Variants in SYTL1 observed in about 807,000 individuals in gnomAD.
The protein encoded by SYTL1 is synaptotagmin like 1.
In SYTL1, 53 loss-of-function variants were observed where a neutral mutation model predicts 74.6. The ratio of observed to expected loss-of-function variants is 0.71; its 90% CI spans 0.57 to 0.89. SYTL1 has a LOEUF of 0.89. Among genes scored for constraint, SYTL1 ranks in the 40% least tolerant of loss-of-function variants. The pLI is 0.00. For missense variants in SYTL1, 728 were observed against 768.7 expected (o/e 0.95, Z 0.63); for synonymous variants, 329 against 324.9 (o/e 1.01, Z -0.14).
Position 27,349,097 on chromosome 1 carries a change from G to A in SYTL1, c.477G>A (p.Ser159=). 1.2e-6 allele frequency: 2 copies of A among 1,613,778 alleles called. No homozygotes were observed. The highest frequency in any genetic ancestry group is 1.7e-6 in the Non-Finnish European group (2 of 1,179,770). Residue 159 remains serine, a synonymous_variant, in exon 6 of 15, where the codon TCG becomes TCA. Coordinates refer to ENST00000616558, the MANE Select transcript of SYTL1 (RefSeq NM_001193308.2). The part of the protein sequence containing the change: ...LRETEGPDFP[S]PSVPLKASDP... ...TCCTTCAGGGACCTGATTTCCCATC[G>A]CCTTCTGTCCCCCTAAAGGCTTCAG...
Position 27,351,147 on chromosome 1 carries a change from C to G in SYTL1, c.1165-111C>G. 7.2e-7 allele frequency: 1 copy of G among 1,394,118 alleles called. No homozygotes were observed. The highest frequency in any genetic ancestry group is 9.7e-7 in the Non-Finnish European group (1 of 1,027,580). 86.4% of individuals were successfully genotyped at this position (1,394,118 alleles called of 1,614,324 possible). The stretch of plus-strand genomic sequence containing the variant: ...GCGCTAGGACCCCTAGGTTCTGCCC[C>G]TGCAGGCCCCGCCGTCTCTTCTAGC... On this transcript the variant is annotated intron_variant, in intron 11 of 14. Transcript: ENST00000616558. This position sits in a 1 kb window ranked among gnomAD's most constrained non-coding sequence, Gnocchi z 5.0.
Position 27,349,999 on chromosome 1 carries a change from G to C in SYTL1, c.775G>C (p.Gly259Arg). Reference protein sequence around the residue: ...TLSGSQMSLSGDAEAVQVRGS... With the variant: ...TLSGSQMSLSRDAEAVQVRGS... Reference sequence around the variant, plus strand: ...GAGCGGCAGCCAGATGAGCCTGTCAGGCGACGCGGAGGCGGTGCAGGTCCG... The same window carrying C: ...GAGCGGCAGCCAGATGAGCCTGTCACGCGACGCGGAGGCGGTGCAGGTCCG... Residue 259 changes from glycine (G) to arginine (R), a missense_variant, in exon 9 of 15, where the codon GGC (glycine) becomes CGC (arginine). Coordinates refer to ENST00000616558, the MANE Select transcript of SYTL1 (RefSeq NM_001193308.2). The C allele has an allele frequency of 6.4e-7, 1 of 1,568,186 alleles. No individual in the cohort carries two copies. Among genetic ancestry groups the C allele is most frequent in the Non-Finnish European group, 8.6e-7 (1 of 1,166,238 alleles).
intron 1 of SYTL1, among the ~76,000 whole-genome samples, chr1:27,344,633 T>C (rs1361356023): frequency 6.7e-6 from 1 of 149,770 alleles, no homozygotes; most frequent in Non-Finnish European, 1.5e-5. Flanking sequence ...TGGCAGATCA[T>C]GAGGTCAGGA....
rs2015256140 is a variant in SYTL1, at chr1:27,351,211, GC to G, written c.1165-43del. 6.5e-7 allele frequency: 1 copy of G among 1,543,494 alleles called. No individual in the cohort carries two copies. The highest frequency in any genetic ancestry group is 2.0e-5 in the Admixed American group (1 of 50,904). Reference sequence around the variant, plus strand: ...GGTCTGCAGACCCCACCCTCCTGAGGCCCCTTTCCATTAGCCCCTGCTCCAC... The same window carrying G: ...GGTCTGCAGACCCCACCCTCCTGAGGCCCTTTCCATTAGCCCCTGCTCCAC... On this transcript the variant is annotated intron_variant, in intron 11 of 14. Coordinates refer to ENST00000616558, the MANE Select transcript of SYTL1 (RefSeq NM_001193308.2). The surrounding 1 kb of genome is among the most constrained non-coding windows in gnomAD (Gnocchi z 5.0).
chr1:27,349,974 G>C lies in SYTL1; in HGVS notation c.750G>C (p.Leu250=), dbSNP rs1398486028. The change falls in exon 9 of 15, where the codon CTG becomes CTC. Residue 250 remains leucine (L), a splice_region_variant and synonymous_variant. Transcript: ENST00000616558. ...CTCCCACCCACTCCCGTCCGCAGCT[G>C]AGCGGCAGCCAGATGAGCCTGTCAG... is the stretch of plus-strand genomic sequence containing the variant. ...SSVSSLNSST[L]SGSQMSLSGD... is the part of the protein sequence containing the mutation. The C allele has an allele frequency of 4.4e-6, 7 of 1,573,068 alleles. No individual in the cohort carries two copies. The highest frequency in any genetic ancestry group is 6.0e-6 in the Non-Finnish European group (7 of 1,168,556).
In SYTL1 at chr1:27,348,481, C is replaced by T. The variant is rs147901719; in HGVS notation, c.459+469C>T. Among the ~76,000 whole-genome samples, 131 of 152,026 alleles carry T rather than the reference C, an allele frequency of 8.6e-4. 3 individuals are homozygous for T. In the East Asian group the frequency reaches 0.017, roughly 20 times the overall value. On this transcript the variant is annotated intron_variant, in intron 5 of 14. Coordinates refer to ENST00000616558, the MANE Select transcript of SYTL1 (RefSeq NM_001193308.2). The surrounding 1 kb of genome is among the most constrained non-coding windows in gnomAD (Gnocchi z 4.1). The stretch of plus-strand genomic sequence containing the variant: ...CTATAATCCCAGCACTTTGGGAAGC[C>T]GAGATCACCTGAGGTCAGGAGCTCA...
At chr1:27,349,306 C>CTGCA in intron 6 of SYTL1, 92 bp from the exon 7 acceptor site, 1 of 1,455,360 alleles carries the variant, frequency 6.9e-7, no homozygotes, top group Non-Finnish European at 9.1e-7. Context: ...GGGCCTGAAT[C>CTGCA]TGCAGCTCGC....
chr1:27,351,381 C>A lies in SYTL1; in HGVS notation c.1243+45C>A. ...GCCAAGCTGGACACGCCCTGAAAAG[C>A]GGGAGACTCCAGTCCCCGGGTTTGG... On this transcript the variant is annotated intron_variant, in intron 12 of 14. Coordinates refer to ENST00000616558, the MANE Select transcript of SYTL1 (RefSeq NM_001193308.2). The surrounding 1 kb of genome is among the most constrained non-coding windows in gnomAD (Gnocchi z 5.0). 6.6e-7 allele frequency: 1 copy of A among 1,511,998 alleles called. No homozygotes were observed. Among genetic ancestry groups the A allele is most frequent in the Non-Finnish European group, 8.9e-7 (1 of 1,125,654 alleles). 93.7% of individuals were successfully genotyped at this position (1,511,998 alleles called of 1,614,324 possible). A position where few individuals can be genotyped will look rare whatever the true frequency, so the allele number is the denominator to read the frequency against.
Position 27,345,571 on chromosome 1 carries a change from TG to T in SYTL1, c.191+48del. 1 of 1,375,572 alleles carries T rather than the reference TG, an allele frequency of 7.3e-7. No homozygotes were observed. Among genetic ancestry groups the T allele is most frequent in the Non-Finnish European group, 1.0e-6 (1 of 1,004,842 alleles). 85.2% of individuals were successfully genotyped at this position (1,375,572 alleles called of 1,614,324 possible). A position where few individuals can be genotyped will look rare whatever the true frequency, so the allele number is the denominator to read the frequency against. On this transcript the variant is annotated intron_variant, in intron 2 of 14. Transcript: ENST00000616558. The surrounding 1 kb of genome is among the most constrained non-coding windows in gnomAD (Gnocchi z 6.0). ...GCCGGGGAGCACCAAGAGGCTTGAG[TG>T]GCCCCCATCCTGCTCCCTACCGACA...
rs1161784167 is a variant in SYTL1, at chr1:27,345,737, C to T, written c.191+212C>T. Among the ~76,000 whole-genome samples, 2 of 152,044 alleles carry T rather than the reference C, an allele frequency of 1.3e-5. No individual in the cohort carries two copies. Among genetic ancestry groups the T allele is most frequent in the Non-Finnish European group, 2.9e-5 (2 of 68,008 alleles). On this transcript the variant is annotated intron_variant, in intron 2 of 14. Coordinates refer to ENST00000616558, the MANE Select transcript of SYTL1 (RefSeq NM_001193308.2). The surrounding 1 kb of genome is among the most constrained non-coding windows in gnomAD (Gnocchi z 6.0). The stretch of plus-strand genomic sequence containing the variant: ...AGCCTCCCTGCCTCCAGGCTTGCCT[C>T]TTGGGCCCACCTCCTGCAGCTGGTG...
chr1:27,348,097 C>T lies in SYTL1; in HGVS notation c.459+85C>T. The T allele has an allele frequency of 7.4e-7, 1 of 1,354,176 alleles. No homozygotes were observed. Among genetic ancestry groups the T allele is most frequent in the Non-Finnish European group, 1.1e-6 (1 of 945,912 alleles). 83.9% of individuals were successfully genotyped at this position (1,354,176 alleles called of 1,614,324 possible). ...GGGGCAGGGGGGAAAGAGCCCCAGC[C>T]TGGGAATGGGGAGACCCTGGAAATG... On this transcript the variant is annotated intron_variant, in intron 5 of 14. Transcript: ENST00000616558. The surrounding 1 kb of genome is among the most constrained non-coding windows in gnomAD (Gnocchi z 4.1).
Position 27,351,322 on chromosome 1 carries a change from C to A in SYTL1, c.1229C>A (p.Pro410His). The A allele has an allele frequency of 6.4e-7, 1 of 1,555,900 alleles. No homozygotes were observed. Among genetic ancestry groups the A allele is most frequent in the South Asian group, 1.2e-5 (1 of 84,112 alleles). ...CTCGCCCTGTCCCTCAAGTACGTCC[C>A]CGCCGGCTCCGAGGGTGAGTGACAG... Reference protein sequence around the residue: ...GLLALSLKYVPAGSEGAGLPP... With the variant: ...GLLALSLKYVHAGSEGAGLPP... The change falls in exon 12 of 15, where the codon CCC (proline) becomes CAC (histidine). Residue 410 changes from proline (P) to histidine (H), a missense_variant. By Grantham distance (77) the Pro-to-His change is moderately conservative. Transcript: ENST00000616558. This position sits in a 1 kb window ranked among gnomAD's most constrained non-coding sequence, Gnocchi z 5.0.
chr1:27,343,514 G>A lies in SYTL1; in HGVS notation c.-39+1364G>A, dbSNP rs1380685453. On this transcript the variant is annotated intron_variant, in intron 1 of 14. Coordinates refer to ENST00000616558, the MANE Select transcript of SYTL1 (RefSeq NM_001193308.2). The surrounding 1 kb of genome is among the most constrained non-coding windows in gnomAD (Gnocchi z 5.2). The stretch of plus-strand genomic sequence containing the variant: ...GTTGCCTCAGACAGGAAGGCCAAGT[G>A]GGCCAGGGCAGGGTGGAGGTGGTGG... Among the ~76,000 whole-genome samples, 1 of 152,140 alleles carries A rather than the reference G, an allele frequency of 6.6e-6. No individual in the cohort carries two copies. The highest frequency in any genetic ancestry group is 1.5e-5 in the Non-Finnish European group (1 of 68,020).
Position 27,342,764 on chromosome 1 carries a change from A to T in SYTL1, c.-39+614A>T, listed in dbSNP as rs913207302. 2.0e-5 allele frequency among the ~76,000 whole-genome samples: 3 copies of T among 152,208 alleles called. No homozygotes were observed. Among genetic ancestry groups the T allele is most frequent in the Non-Finnish European group, 4.4e-5 (3 of 68,040 alleles). On this transcript the variant is annotated intron_variant, in intron 1 of 14. Coordinates refer to ENST00000616558, the MANE Select transcript of SYTL1 (RefSeq NM_001193308.2). This position sits in a 1 kb window ranked among gnomAD's most constrained non-coding sequence, Gnocchi z 4.7. ...CAGCTCACAGACTCACGCAACGCAG[A>T]CATGCCCACCAGACTCGGACCCACA...
Position 27,343,669 on chromosome 1 carries a change from CA to C in SYTL1, c.-39+1520del, listed in dbSNP as rs2014875459. The stretch of plus-strand genomic sequence containing the variant: ...GTATGTGTGCATTCCCATGTGTGTG[CA>C]GGCATATTTCTGCATTTAATTAATC... On this transcript the variant is annotated intron_variant, in intron 1 of 14. Transcript: ENST00000616558. This position sits in a 1 kb window ranked among gnomAD's most constrained non-coding sequence, Gnocchi z 5.2. Among the ~76,000 whole-genome samples the C allele has an allele frequency of 6.6e-6, 1 of 152,002 alleles. No homozygotes were observed. The highest frequency in any genetic ancestry group is 2.1e-4 in the South Asian group (1 of 4,826).
Position 27,345,081 on chromosome 1 carries a change from G to A in SYTL1, c.-38-216G>A. Reference sequence around the variant, plus strand: ...TGGCCCTACCTCAGGGTGTGTGCATGTGTGTCTCTTGCTTCTTCCACTGTG... The same window carrying A: ...TGGCCCTACCTCAGGGTGTGTGCATATGTGTCTCTTGCTTCTTCCACTGTG... On this transcript the variant is annotated intron_variant, in intron 1 of 14. Coordinates refer to ENST00000616558, the MANE Select transcript of SYTL1 (RefSeq NM_001193308.2). The surrounding 1 kb of genome is among the most constrained non-coding windows in gnomAD (Gnocchi z 6.0). 1 of 344,086 alleles carries A rather than the reference G, an allele frequency of 2.9e-6. No individual in the cohort carries two copies. Among genetic ancestry groups the A allele is most frequent in the Non-Finnish European group, 5.3e-6 (1 of 188,948 alleles). 21.3% of individuals were successfully genotyped at this position (344,086 alleles called of 1,614,324 possible).
chr1:27,353,894 G>T lies in SYTL1; in HGVS notation c.*42G>T. ...TCTCTGGACCCCCATCTCAGGGCCTGCCCTTGGCTAAAGTCAATAAAGTCT... is the reference window on the plus strand; with the variant it reads ...TCTCTGGACCCCCATCTCAGGGCCTTCCCTTGGCTAAAGTCAATAAAGTCT... On this transcript the variant is annotated 3_prime_UTR_variant, in exon 15 of 15. Coordinates refer to ENST00000616558, the MANE Select transcript of SYTL1 (RefSeq NM_001193308.2). 1 of 1,584,834 alleles carries T rather than the reference G, an allele frequency of 6.3e-7. No individual in the cohort carries two copies. The highest frequency in any genetic ancestry group is 8.6e-7 in the Non-Finnish European group (1 of 1,158,508).
At chr1:27,346,530 A>G (rs1190642875) in intron 2 of SYTL1, among the ~76,000 whole-genome samples, 1 of 152,178 alleles carries the variant, frequency 6.6e-6, no homozygotes, top group Non-Finnish European at 1.5e-5. Context: ...TGAGAGGCTG[A>G]GACGGGAGGA....
chr1:27,349,989 G>T lies in SYTL1; in HGVS notation c.765G>T (p.Met255Ile), dbSNP rs776717687. 10 of 1,571,790 alleles carry T rather than the reference G, an allele frequency of 6.4e-6. No homozygotes were observed. Among genetic ancestry groups the T allele is most frequent in the Middle Eastern group, 1.7e-4 (1 of 5,842 alleles). The change falls in exon 9 of 15, where the codon ATG becomes ATT. Residue 255 changes from methionine to isoleucine, a missense_variant. Coordinates refer to ENST00000616558, the MANE Select transcript of SYTL1 (RefSeq NM_001193308.2). Reference sequence around the variant, plus strand: ...GTCCGCAGCTGAGCGGCAGCCAGATGAGCCTGTCAGGCGACGCGGAGGCGG... The same window carrying T: ...GTCCGCAGCTGAGCGGCAGCCAGATTAGCCTGTCAGGCGACGCGGAGGCGG... Reference protein sequence around the residue: ...LNSSTLSGSQMSLSGDAEAVQ... With the variant: ...LNSSTLSGSQISLSGDAEAVQ...
Sources: allele counts gnomAD v4.1 joint callset (sites outside exome capture counted in the v4.1 genomes callset), GRCh38; gene constraint gnomAD v4.1.1; non-coding constraint Gnocchi (gnomAD v3.1); transcripts MANE v1.5; gene names NCBI Gene and HGNC (gene_info 2026-07-23, HGNC 2026-07-21).